Variants in PCDH7 observed in about 807,000 individuals in gnomAD.
PCDH7 encodes the protein protocadherin-7.
A neutral mutation model predicts 58.9 loss-of-function variants in PCDH7; 17 were observed. That is an observed-to-expected ratio of 0.29 (90% CI 0.20 to 0.43). PCDH7 has a LOEUF of 0.43. Among genes scored for constraint, PCDH7 ranks in the 20% least tolerant of loss-of-function variants. PCDH7 has a pLI of 1.00. For synonymous variants in PCDH7, 664 were observed against 616.4 expected, an observed-to-expected ratio of 1.08 and a Z score of -1.14; for missense variants, 1,274 against 1,441.0, an observed-to-expected ratio of 0.88 and a Z score of 1.88.
At chr4:30,973,635 A>G (rs1749794770) in intron 3 of PCDH7, among the ~76,000 whole-genome samples, 1 of 152,150 alleles carries the variant, frequency 6.6e-6, no homozygotes, top group Non-Finnish European at 1.5e-5. Flanking sequence ...GAATGAGGTA[A>G]ATACAGAATA....
chr4:30,728,294 T>TAGAG lies in PCDH7; in HGVS notation c.3175-2458_3175-2457insGAGA, dbSNP rs779678604. 3.1e-3 allele frequency among the ~76,000 whole-genome samples: 392 copies of TAGAG among 127,818 alleles called. 2 individuals carry two copies. Among genetic ancestry groups the TAGAG allele is most frequent in the African/African-American group, 0.011 (372 of 32,884 alleles). The allele number at this position is 127,818 out of a possible 152,430, so 83.9% of individuals were successfully genotyped here. A position where few individuals can be genotyped will look rare whatever the true frequency, so the allele number is the denominator to read the frequency against. On this transcript the variant is annotated intron_variant, in intron 1 of 1. Transcript: ENST00000361762. Reference sequence around the variant, plus strand: ...ATACATATGTATATATATATATATATATAGAGAGAGAGAGAGAGAGAGAGA... The same window carrying TAGAG: ...ATACATATGTATATATATATATATATAGAGATAGAGAGAGAGAGAGAGAGAGAGA...
chr4:30,830,970 A>G (rs566194211), intron 1 of PCDH7, among the ~76,000 whole-genome samples: 14 of 152,226 alleles, frequency 9.2e-5, no homozygotes, highest in African/African-American at 1.9e-4. Flanking sequence ...TCTCTATTTG[A>G]TATAACTCTA....
intron 3 of PCDH7, among the ~76,000 whole-genome samples, chr4:31,086,078 T>C (rs1022634443): frequency 6.6e-6 from 1 of 152,196 alleles, no homozygotes; most frequent in African/African-American, 2.4e-5. Context: ...ATCCATTTTA[T>C]TCCTGGTTTT....
intron 1 of PCDH7, among the ~76,000 whole-genome samples, chr4:30,744,843 T>C (rs1486787): frequency 0.45 from 69,007 of 152,070 alleles, 16,384 homozygotes; most frequent in Middle Eastern, 0.53. Flanking sequence ...AATTCTTTAA[T>C]TGTCAATCCT....
chr4:30,898,842 C>A (rs1183854264), intron 1 of PCDH7, among the ~76,000 whole-genome samples: 2 of 152,108 alleles, frequency 1.3e-5, no homozygotes, highest in African/African-American at 4.8e-5. Context: ...CCGCCCGCCT[C>A]GGCCTCCCAA....
chr4:31,090,905 G>A (rs916096295), intron 3 of PCDH7, among the ~76,000 whole-genome samples: 22 of 151,930 alleles, frequency 1.4e-4, no homozygotes, highest in African/African-American at 5.3e-4. Context: ...CCTCCTCAAA[G>A]CTCATGATGT....
intron 3 of PCDH7, among the ~76,000 whole-genome samples, chr4:31,080,758 T>C (rs576930992): frequency 6.6e-6 from 1 of 152,324 alleles, no homozygotes; most frequent in South Asian, 2.1e-4. Context: ...TAATGTGATA[T>C]GGTTTGGCTG....
chr4:31,101,137 T>G (rs575251927), intron 3 of PCDH7, among the ~76,000 whole-genome samples: 1 of 152,160 alleles, frequency 6.6e-6, no homozygotes, highest in South Asian at 2.1e-4. Flanking sequence ...TGTATAAAAA[T>G]CCAGATAGAA....
chr4:30,785,651 A>G (rs1179026860), intron 1 of PCDH7, among the ~76,000 whole-genome samples: 6 of 151,998 alleles, frequency 3.9e-5, no homozygotes, highest in Non-Finnish European at 7.4e-5. Flanking sequence ...GTTAGTCATT[A>G]CTTGTTTTAT....
intron 1 of PCDH7, among the ~76,000 whole-genome samples, chr4:30,818,793 A>G (rs1008876103): frequency 4.6e-5 from 7 of 152,166 alleles, no homozygotes; most frequent in African/African-American, 1.7e-4. Flanking sequence ...GACTACTGGC[A>G]GGGAAGATTA....
chr4:30,790,806 CCCAGCTCTCAGGAGGCTG>C (rs1724014912), intron 1 of PCDH7, among the ~76,000 whole-genome samples: 1 of 152,094 alleles, frequency 6.6e-6, no homozygotes, highest in Admixed American at 6.6e-5. Context: ...TGCCTGTAGT[CCCAGCTCTCAGGAGGCTG>C]AGGTGGGAGG....
At chr4:31,065,222 A>C (rs979097346) in intron 3 of PCDH7, among the ~76,000 whole-genome samples, 2 of 151,984 alleles carry the variant, frequency 1.3e-5, no homozygotes, top group Non-Finnish European at 2.9e-5. Flanking sequence ...GGCAATAAAT[A>C]TAAGATCTGT....
chr4:31,119,475 G>A (rs1578848101), intron 3 of PCDH7, among the ~76,000 whole-genome samples: 1 of 152,188 alleles, frequency 6.6e-6, no homozygotes, highest in Non-Finnish European at 1.5e-5. Context: ...TCAGAAGAAA[G>A]AATTTGACTC....
intron 3 of PCDH7, among the ~76,000 whole-genome samples, chr4:30,957,380 T>C (rs1245872752): frequency 6.6e-6 from 1 of 152,212 alleles, no homozygotes; most frequent in Non-Finnish European, 1.5e-5. Flanking sequence ...TTTTAATTCT[T>C]TGTGGTCTTA....
intron 3 of PCDH7, among the ~76,000 whole-genome samples, chr4:31,035,629 G>T (rs946114349): frequency 6.6e-6 from 1 of 152,108 alleles, no homozygotes; most frequent in Non-Finnish European, 1.5e-5. Context: ...CAAAGAGCAG[G>T]TTGCATGCAA....
At chr4:31,000,810 T>C (rs1293230463) in intron 3 of PCDH7, among the ~76,000 whole-genome samples, 1 of 152,074 alleles carries the variant, frequency 6.6e-6, no homozygotes, top group African/African-American at 2.4e-5. Flanking sequence ...GAAAATAACC[T>C]AAATGGTGGC....
intron 1 of PCDH7, among the ~76,000 whole-genome samples, chr4:30,910,462 A>T (rs528576957): frequency 7.2e-5 from 11 of 152,316 alleles, no homozygotes; most frequent in African/African-American, 2.6e-4. Context: ...AAACTTAACA[A>T]ATTTACGAGA....
At chr4:30,919,279 T>C (rs1742875306) in intron 1 of PCDH7, among the ~76,000 whole-genome samples, 1 of 151,370 alleles carries the variant, frequency 6.6e-6, no homozygotes, top group Non-Finnish European at 1.5e-5. Flanking sequence ...TTTGTTCCTT[T>C]AATGAGCCTA....
At chr4:30,996,141 T>G (rs1751881065) in intron 3 of PCDH7, among the ~76,000 whole-genome samples, 2 of 152,228 alleles carry the variant, frequency 1.3e-5, no homozygotes, top group Admixed American at 1.3e-4. Flanking sequence ...CACAAAACCT[T>G]AGTGCCTTTC....
Sources: gnomAD v4.1 joint callset for allele counts (sites outside exome capture counted in the v4.1 genomes callset) on GRCh38, gnomAD v4.1.1 for gene constraint, MANE v1.5 for transcripts, NCBI Gene and HGNC (gene_info 2026-07-23, HGNC 2026-07-21) for gene names.